PRTG: variants seen among roughly 807,000 people sequenced by gnomAD.
PRTG encodes immunoglobulin superfamily, DCC subclass, member 5.
In PRTG, 67 loss-of-function variants were observed where a neutral mutation model predicts 122.5. That is an observed-to-expected ratio of 0.55 (90% CI 0.45 to 0.67). PRTG has a LOEUF of 0.67. PRTG is among the 30% of genes least tolerant of loss of function. The pLI, the probability that PRTG is intolerant of heterozygous loss-of-function variation, is 0.00. For missense variants in PRTG, 1,435 were observed against 1,415.4 expected, an observed-to-expected ratio of 1.01 and a Z score of -0.22; for synonymous variants, 554 against 501.1, an observed-to-expected ratio of 1.11 and a Z score of -1.41.
intron 2 of PRTG, among the ~76,000 whole-genome samples, chr15:55,709,881 A>T (rs2030311393): frequency 6.6e-6 from 1 of 152,232 alleles, no homozygotes; most frequent in Non-Finnish European, 1.5e-5. Flanking sequence ...AAAAACCATT[A>T]AGAAACTTTC....
intron 2 of PRTG, among the ~76,000 whole-genome samples, chr15:55,707,642 T>C (rs1595666982): frequency 6.6e-6 from 1 of 152,286 alleles, no homozygotes; most frequent in Admixed American, 6.5e-5. Context: ...CAATGCATAG[T>C]TTATAGGAGC....
intron 11 of PRTG, among the ~76,000 whole-genome samples, chr15:55,642,130 C>T (rs1314371280): frequency 1.5e-5 from 2 of 136,110 alleles, no homozygotes; most frequent in East Asian, 2.0e-4. Context: ...GCCGAGATTG[C>T]GCCACTGCAG....
At chr15:55,640,110 G>T in intron 12 of PRTG, 2 of 295,828 alleles carry the variant, frequency 6.8e-6, no homozygotes, top group Non-Finnish European at 1.0e-5. Flanking sequence ...GTGGCTGTCA[G>T]AGTGCAGTTA....
intron 11 of PRTG, among the ~76,000 whole-genome samples, chr15:55,648,359 G>A (rs2059335393): frequency 6.6e-6 from 1 of 152,182 alleles, no homozygotes; most frequent in African/African-American, 2.4e-5. Flanking sequence ...TTTTAAAGTT[G>A]TACTCGTCAA....
chr15:55,621,346 G>A (rs1223151764), intron 18 of PRTG, among the ~76,000 whole-genome samples: 1 of 151,590 alleles, frequency 6.6e-6, no homozygotes, highest in Non-Finnish European at 1.5e-5. Flanking sequence ...GCAAGGCTCC[G>A]TCTCAAAAAA....
intron 18 of PRTG, among the ~76,000 whole-genome samples, chr15:55,621,532 G>A (rs959513738): frequency 6.6e-5 from 10 of 151,694 alleles, no homozygotes; most frequent in African/African-American, 1.7e-4. Context: ...GGTAGCGTGC[G>A]CTTCTAGTTC....
intron 11 of PRTG, among the ~76,000 whole-genome samples, chr15:55,670,643 G>A (rs2059464218): frequency 6.6e-6 from 1 of 152,032 alleles, no homozygotes; most frequent in African/African-American, 2.4e-5. Context: ...GCTCACGCCT[G>A]TAATCCCAAC....
At chr15:55,712,280 T>G (rs2030417511) in intron 2 of PRTG, among the ~76,000 whole-genome samples, 1 of 152,208 alleles carries the variant, frequency 6.6e-6, no homozygotes, top group Admixed American at 6.5e-5. Context: ...AATGAAATGG[T>G]TGGTCAGAGT....
chr15:55,653,336 C>T (rs988315414), intron 11 of PRTG, among the ~76,000 whole-genome samples: 20 of 152,086 alleles, frequency 1.3e-4, no homozygotes, highest in African/African-American at 4.1e-4. Flanking sequence ...ACAAATAACA[C>T]CTCTCACTCC....
At chr15:55,647,277 C>T (rs962549759) in intron 11 of PRTG, among the ~76,000 whole-genome samples, 2 of 152,026 alleles carry the variant, frequency 1.3e-5, no homozygotes, top group African/African-American at 4.8e-5. Flanking sequence ...GAAACTCCGT[C>T]TCAAAATAAA....
chr15:55,684,051 C>A (rs1455489688), intron 2 of PRTG, 120 bp from the exon 3 acceptor site: 1 of 685,014 alleles, frequency 1.5e-6, no homozygotes, highest in South Asian at 2.9e-5. Flanking sequence ...ACCAACCTAA[C>A]TTAACCAGCA....
chr15:55,713,355 A>G (rs931357062), intron 2 of PRTG, among the ~76,000 whole-genome samples: 5 of 152,096 alleles, frequency 3.3e-5, no homozygotes, highest in African/African-American at 1.2e-4. Flanking sequence ...TTTATTAGCC[A>G]TTTTCTTACT....
intron 2 of PRTG, among the ~76,000 whole-genome samples, chr15:55,702,181 A>G (rs1171831182): frequency 6.6e-6 from 1 of 152,236 alleles, no homozygotes; most frequent in Non-Finnish European, 1.5e-5. Context: ...AAAACTTATA[A>G]ATTAAGCAGG....
chr15:55,680,332 T>C, intron 5 of PRTG, 120 bp from the exon 6 acceptor site: 12 of 1,115,838 alleles, frequency 1.1e-5, no homozygotes, highest in Non-Finnish European at 1.5e-5. Context: ...AAATTCTCCA[T>C]GTTAAGACCT....
chr15:55,643,864 ATTT>A (rs111433445), intron 11 of PRTG, among the ~76,000 whole-genome samples: 1 of 147,670 alleles, frequency 6.8e-6, no homozygotes, highest in Non-Finnish European at 1.5e-5. Context: ...AATAATAATG[ATTT>A]TTTTTTTCTT....
intron 16 of PRTG, among the ~76,000 whole-genome samples, chr15:55,627,416 C>T (rs1481711010): frequency 3.3e-5 from 5 of 151,124 alleles, no homozygotes; most frequent in African/African-American, 9.7e-5. Flanking sequence ...CTCCAACTCC[C>T]GGGTTCCTGC....
At chr15:55,723,752 C>CA in intron 2 of PRTG, among the ~76,000 whole-genome samples, 1 of 127,108 alleles carries the variant, frequency 7.9e-6, no homozygotes, top group East Asian at 2.2e-4. Flanking sequence ...TTTCTTTTTT[C>CA]TTTTTTTTTT....
intron 2 of PRTG, among the ~76,000 whole-genome samples, chr15:55,722,798 G>A (rs1169847219): frequency 1.3e-5 from 2 of 151,990 alleles, no homozygotes; most frequent in Non-Finnish European, 2.9e-5. Context: ...CAAGGTCAGA[G>A]CAGCAAAGTT....
At chr15:55,722,490 A>T (rs2030862263) in intron 2 of PRTG, among the ~76,000 whole-genome samples, 1 of 152,188 alleles carries the variant, frequency 6.6e-6, no homozygotes, top group African/African-American at 2.4e-5. Context: ...TGTGCAAAGC[A>T]TTTTCCTACG....
Sources: allele counts gnomAD v4.1 joint callset (sites outside exome capture counted in the v4.1 genomes callset), GRCh38; gene constraint gnomAD v4.1.1; transcripts MANE v1.5; gene names NCBI Gene and HGNC (gene_info 2026-07-23, HGNC 2026-07-21).